ARHGAP28: variants seen among roughly 807,000 people sequenced by gnomAD.
The protein encoded by ARHGAP28 is rho GTPase-activating protein 28.
In ARHGAP28, 56 loss-of-function variants were observed where a neutral mutation model predicts 90.7. That is an observed-to-expected ratio of 0.62 (90% CI 0.50 to 0.77). ARHGAP28 has a LOEUF of 0.77. Among genes scored for constraint, ARHGAP28 ranks in the 30% least tolerant of loss-of-function variants. The probability of loss-of-function intolerance (pLI) is 0.00; values close to 1 mark genes in which losing one functional copy is unlikely to be tolerated. For missense variants in ARHGAP28, 869 were observed against 900.9 expected, an observed-to-expected ratio of 0.96 and a Z score of 0.45; for synonymous variants, 308 against 323.3, an observed-to-expected ratio of 0.95 and a Z score of 0.51.
chr18:6,758,347 T>A (rs1222166075), intron 1 of ARHGAP28, among the ~76,000 whole-genome samples: 1 of 152,148 alleles, frequency 6.6e-6, no homozygotes, highest in Non-Finnish European at 1.5e-5. Flanking sequence ...TTGTCTTTTT[T>A]TTTTTTGAAA....
At chr18:6,845,031 C>T (rs2056855964) in intron 3 of ARHGAP28, among the ~76,000 whole-genome samples, 1 of 152,146 alleles carries the variant, frequency 6.6e-6, no homozygotes, top group South Asian at 2.1e-4. Flanking sequence ...CTCCATGTAT[C>T]CTTTAGTATT....
chr18:6,739,657 C>G (rs192178421), intron 1 of ARHGAP28, among the ~76,000 whole-genome samples: 1 of 151,120 alleles, frequency 6.6e-6, no homozygotes. Context: ...CTCTCTCTCT[C>G]TCTCTCTCTC....
intron 1 of ARHGAP28, among the ~76,000 whole-genome samples, chr18:6,806,179 C>G (rs2056517894): frequency 6.6e-6 from 1 of 152,186 alleles, no homozygotes; most frequent in Non-Finnish European, 1.5e-5. Flanking sequence ...CAGGTGTGAG[C>G]CACCGTGCCT....
intron 11 of ARHGAP28, among the ~76,000 whole-genome samples, chr18:6,882,647 G>A (rs1296292102): frequency 6.6e-6 from 1 of 152,056 alleles, no homozygotes; most frequent in Admixed American, 6.5e-5. Flanking sequence ...GGGTTGCCGT[G>A]GATATTGAAT....
chr18:6,846,113 C>A (rs1206645845), intron 3 of ARHGAP28, among the ~76,000 whole-genome samples: 2 of 152,188 alleles, frequency 1.3e-5, no homozygotes, highest in Admixed American at 6.5e-5. Flanking sequence ...TTTGCTGACA[C>A]CTGCCTCCAC....
chr18:6,803,476 A>T (rs1227155690), intron 1 of ARHGAP28, among the ~76,000 whole-genome samples: 1 of 152,060 alleles, frequency 6.6e-6, no homozygotes, highest in Non-Finnish European at 1.5e-5. Flanking sequence ...GAGTAGATTG[A>T]TTTGCTAAAA....
chr18:6,871,745 A>G (rs2057091428), intron 7 of ARHGAP28, among the ~76,000 whole-genome samples: 1 of 152,200 alleles, frequency 6.6e-6, no homozygotes, highest in African/African-American at 2.4e-5. Context: ...TCATGCAGAA[A>G]CAGACTTTTT....
intron 1 of ARHGAP28, among the ~76,000 whole-genome samples, chr18:6,746,062 C>T (rs931392302): frequency 5.9e-5 from 9 of 152,282 alleles, no homozygotes; most frequent in Non-Finnish European, 1.2e-4. Flanking sequence ...TTTACTTTGG[C>T]TTCCTGGAGC....
At chr18:6,906,419 C>A (rs1260415378) in intron 16 of ARHGAP28, among the ~76,000 whole-genome samples, 1 of 152,184 alleles carries the variant, frequency 6.6e-6, no homozygotes, top group Non-Finnish European at 1.5e-5. Context: ...AGACTCTATA[C>A]CCATTCTCCC....
At chr18:6,780,306 A>G (rs2056314075) in intron 1 of ARHGAP28, among the ~76,000 whole-genome samples, 1 of 152,234 alleles carries the variant, frequency 6.6e-6, no homozygotes, top group African/African-American at 2.4e-5. Flanking sequence ...GGGGAAAAAA[A>G]AACAATAAAA....
At chr18:6,753,615 A>G (rs1183231362) in intron 1 of ARHGAP28, among the ~76,000 whole-genome samples, 2 of 152,260 alleles carry the variant, frequency 1.3e-5, no homozygotes, top group African/African-American at 4.8e-5. Context: ...ATTATTCTTA[A>G]TAAAGTGGGT....
intron 6 of ARHGAP28, among the ~76,000 whole-genome samples, chr18:6,869,347 G>A (rs2057064686): frequency 7.2e-6 from 1 of 139,798 alleles, no homozygotes; most frequent in Non-Finnish European, 1.5e-5. Flanking sequence ...TGCAGCCTCT[G>A]CCTCTTGAGT....
intron 1 of ARHGAP28, among the ~76,000 whole-genome samples, chr18:6,805,070 CT>C (rs1486134645): frequency 2.0e-5 from 3 of 152,070 alleles, no homozygotes; most frequent in African/African-American, 7.2e-5. Flanking sequence ...CACTGTCTTC[CT>C]GCCTCAGTCT....
chr18:6,904,255 G>C (rs1033457126), intron 16 of ARHGAP28, among the ~76,000 whole-genome samples: 3 of 152,214 alleles, frequency 2.0e-5, no homozygotes, highest in South Asian at 2.1e-4. Context: ...TTAGCTGGGC[G>C]TGGTGGCGGG....
chr18:6,870,783 G>A lies in ARHGAP28; in HGVS notation c.954+51G>A, dbSNP rs758386348. The A allele has an allele frequency of 3.3e-6, 5 of 1,532,024 alleles. No homozygotes were observed. In the East Asian group the frequency reaches 9.0e-5, roughly 28 times the overall value. The allele number at this position is 1,532,024 out of a possible 1,614,324, so 94.9% of individuals were successfully genotyped here. A position where few individuals can be genotyped will look rare whatever the true frequency, so the allele number is the denominator to read the frequency against. ...CCAGGAACTTCCTGTGACTTCATAGGACAAAACTAAGATTTCTTTTTCTTT... is the reference window on the plus strand; with the variant it reads ...CCAGGAACTTCCTGTGACTTCATAGAACAAAACTAAGATTTCTTTTTCTTT... On this transcript the variant is annotated intron_variant, in intron 7 of 17. Transcript: ENST00000383472.
intron 1 of ARHGAP28, among the ~76,000 whole-genome samples, chr18:6,791,973 A>G (rs2056409950): frequency 6.6e-6 from 1 of 151,886 alleles, no homozygotes. Flanking sequence ...TAATTTTTGT[A>G]TTTTTAGTAG....
At chr18:6,866,614 G>A (rs368782634) in intron 5 of ARHGAP28, among the ~76,000 whole-genome samples, 11 of 152,082 alleles carry the variant, frequency 7.2e-5, no homozygotes, top group Non-Finnish European at 1.0e-4. Context: ...CTTCATTTTC[G>A]TAATGCTTTG....
chr18:6,825,973 G>GTA (rs1235361002), intron 2 of ARHGAP28, among the ~76,000 whole-genome samples: 1 of 152,164 alleles, frequency 6.6e-6, no homozygotes, highest in Admixed American at 6.5e-5. Flanking sequence ...TTTATACCCA[G>GTA]TAATGGGATT....
intron 1 of ARHGAP28, among the ~76,000 whole-genome samples, chr18:6,746,926 C>CA (rs1000511247): frequency 5.4e-4 from 69 of 128,170 alleles, no homozygotes; most frequent in Middle Eastern, 4.5e-3. Flanking sequence ...ATTAATGAAA[C>CA]AAAAAACAGC....
Sources: allele counts gnomAD v4.1 joint callset (sites outside exome capture counted in the v4.1 genomes callset), GRCh38; gene constraint gnomAD v4.1.1; transcripts MANE v1.5; gene names NCBI Gene and HGNC (gene_info 2026-07-23, HGNC 2026-07-21).